The following PHACTR1 variants were observed in gnomAD, a reference collection of about 807,000 sequenced individuals.
The protein encoded by PHACTR1 is RPEL repeat containing 1.
PHACTR1 carries 16 observed loss-of-function variants against 69.2 expected under a neutral mutation model. That is an observed-to-expected ratio of 0.23 (90% CI 0.16 to 0.35). The LOEUF is 0.35. PHACTR1 is among the 10% of genes least tolerant of loss of function. PHACTR1 has a pLI of 1.00. For missense variants in PHACTR1, 510 were observed against 734.7 expected (o/e 0.69, Z 3.54); for synonymous variants, 312 against 284.5 (o/e 1.10, Z -0.97).
intron 4 of PHACTR1, among the ~76,000 whole-genome samples, chr6:12,940,499 A>G (rs1303146559): frequency 1.3e-5 from 2 of 152,208 alleles, no homozygotes; most frequent in South Asian, 4.1e-4. Context: ...AAATTGCTTT[A>G]TGATGTTTGC....
At chr6:12,971,210 G>C (rs766560829) in intron 4 of PHACTR1, among the ~76,000 whole-genome samples, 2 of 152,160 alleles carry the variant, frequency 1.3e-5, no homozygotes, top group African/African-American at 2.4e-5. Context: ...GGTCCCTCTT[G>C]TTTGTTTCTT....
At chr6:13,043,328 G>A (rs4715072) in intron 4 of PHACTR1, among the ~76,000 whole-genome samples, 24,991 of 152,160 alleles carry the variant, frequency 0.16, 2,554 homozygotes, top group South Asian at 0.26. Context: ...TTGGGAGGTG[G>A]AGGCACAAGA....
intron 4 of PHACTR1, among the ~76,000 whole-genome samples, chr6:12,840,143 C>A (rs1213349353): frequency 6.6e-6 from 1 of 151,380 alleles, no homozygotes; most frequent in African/African-American, 2.4e-5. Context: ...TATTTTTCAT[C>A]CCCCTCCACC....
Position 13,179,404 on chromosome 6 carries a change from T to TTGTGTG in PHACTR1, c.497-3115_497-3114insTGTGTG, listed in dbSNP as rs1159935117. On this transcript the variant is annotated intron_variant, in intron 6 of 14. Coordinates refer to ENST00000332995, the MANE Select transcript of PHACTR1 (RefSeq NM_030948.6). The surrounding 1 kb of genome is among the most constrained non-coding windows in gnomAD (Gnocchi z 4.2). ...ATATACAGCCCATTACATTAATGTT[T>TTGTGTG]CGTGTGTGTGTGTGTGTGTGTGTGT... Among the ~76,000 whole-genome samples, 2 of 75,852 alleles carry TTGTGTG rather than the reference T, an allele frequency of 2.6e-5. No individual in the cohort carries two copies. The highest frequency in any genetic ancestry group is 6.3e-5 in the African/African-American group (1 of 15,920). The allele number at this position is 75,852 out of a possible 152,430, so 49.8% of individuals were successfully genotyped here.
At chr6:12,773,591 G>C (rs1399756559) in intron 4 of PHACTR1, among the ~76,000 whole-genome samples, 1 of 152,044 alleles carries the variant, frequency 6.6e-6, no homozygotes, top group Non-Finnish European at 1.5e-5. Context: ...GAACCAGAAG[G>C]CTGTCAGTTA....
intron 6 of PHACTR1, among the ~76,000 whole-genome samples, chr6:13,168,886 G>T (rs1760204816): frequency 6.6e-6 from 1 of 152,158 alleles, no homozygotes. Flanking sequence ...TATGTTCATT[G>T]TTTATTCTTC....
intron 4 of PHACTR1, among the ~76,000 whole-genome samples, chr6:12,997,014 A>C (rs1797493062): frequency 6.6e-6 from 1 of 151,836 alleles, no homozygotes; most frequent in East Asian, 1.9e-4. Flanking sequence ...AAAAGCACAA[A>C]ATTAGCCACG....
chr6:12,817,545 T>C (rs1775723108), intron 4 of PHACTR1, among the ~76,000 whole-genome samples: 1 of 152,220 alleles, frequency 6.6e-6, no homozygotes, highest in South Asian at 2.1e-4. Context: ...CTTAGTGCTC[T>C]TGCTACAGTT....
rs556555675 is a variant in PHACTR1 at position 13,281,431 on chromosome 6, G to A, written c.1510-1991G>A. 1.3e-5 allele frequency: 4 copies of A among 304,214 alleles called. 1 individual carries two copies. Among genetic ancestry groups the A allele is most frequent in the South Asian group, 1.1e-4 (4 of 37,934 alleles). 18.8% of individuals were successfully genotyped at this position (304,214 alleles called of 1,614,324 possible). ...TAGCCGGACAAGGTGGCGCATACCTGTAATCCCAGCTACTCGGGAGGCTGA... is the reference window on the plus strand; with the variant it reads ...TAGCCGGACAAGGTGGCGCATACCTATAATCCCAGCTACTCGGGAGGCTGA... On this transcript the variant is annotated intron_variant, in intron 12 of 14. Transcript: ENST00000332995.
chr6:13,152,954 T>C (rs1027367088), intron 5 of PHACTR1, among the ~76,000 whole-genome samples: 1 of 151,762 alleles, frequency 6.6e-6, no homozygotes, highest in Non-Finnish European at 1.5e-5. Context: ...CTCTGTCACA[T>C]AGGGGTGGTC....
intron 7 of PHACTR1, among the ~76,000 whole-genome samples, chr6:13,189,744 A>G (rs941613601): frequency 7.9e-5 from 12 of 152,078 alleles, no homozygotes; most frequent in African/African-American, 2.9e-4. Context: ...GTGTTTTAGC[A>G]TTGTATGTTT....
At chr6:12,934,077 T>C in intron 4 of PHACTR1, 1 of 1,223,044 alleles carries the variant, frequency 8.2e-7, no homozygotes, top group Non-Finnish European at 1.1e-6. Flanking sequence ...ACGGTCCTTT[T>C]GCAGGCTCTA....
chr6:12,999,420 A>G (rs1030807349), intron 4 of PHACTR1, among the ~76,000 whole-genome samples: 1 of 152,180 alleles, frequency 6.6e-6, no homozygotes, highest in Non-Finnish European at 1.5e-5. Flanking sequence ...CAAGATGGTG[A>G]AACCCTGTCT....
chr6:12,752,578 G>C (rs1376251126), intron 4 of PHACTR1, among the ~76,000 whole-genome samples: 3 of 152,186 alleles, frequency 2.0e-5, no homozygotes, highest in African/African-American at 7.2e-5. Context: ...GTTTAGCAAT[G>C]CTTCAAGGAA....
intron 4 of PHACTR1, among the ~76,000 whole-genome samples, chr6:12,954,230 GA>G (rs1791619595): frequency 6.6e-6 from 1 of 152,028 alleles, no homozygotes; most frequent in African/African-American, 2.4e-5. Context: ...GCAAAGAGCT[GA>G]GCTGGAAATG....
intron 12 of PHACTR1, chr6:13,281,109 G>C: frequency 7.8e-7 from 1 of 1,289,536 alleles, no homozygotes; most frequent in Non-Finnish European, 1.0e-6. Context: ...ATAAGAAACA[G>C]CCCCTGACCT....
intron 7 of PHACTR1, among the ~76,000 whole-genome samples, chr6:13,200,909 C>T (rs907641730): frequency 4.7e-5 from 7 of 149,462 alleles, no homozygotes; most frequent in Non-Finnish European, 1.0e-4. Flanking sequence ...CACCATTGCA[C>T]TCTTGCCTGG....
chr6:12,957,924 G>T (rs1270883632), intron 4 of PHACTR1: 2 of 985,186 alleles, frequency 2.0e-6, no homozygotes, highest in Non-Finnish European at 1.2e-6. Flanking sequence ...TTCAGAGCCC[G>T]ACACTTGAGG....
chr6:13,208,412 A>G (rs1458065765), intron 8 of PHACTR1, among the ~76,000 whole-genome samples: 2 of 152,236 alleles, frequency 1.3e-5, no homozygotes, highest in East Asian at 3.8e-4. Context: ...CATTTGTATT[A>G]TATTTTACAA....
Sources: allele counts gnomAD v4.1 joint callset (sites outside exome capture counted in the v4.1 genomes callset), GRCh38; gene constraint gnomAD v4.1.1; non-coding constraint Gnocchi (gnomAD v3.1); transcripts MANE v1.5; gene names NCBI Gene and HGNC (gene_info 2026-07-23, HGNC 2026-07-21).